Variants in GRAMD1A observed in about 807,000 individuals in gnomAD.
The protein encoded by GRAMD1A is protein Aster-A.
Under a neutral mutation model 92.0 loss-of-function variants are expected in GRAMD1A, and 50 were observed. That is an observed-to-expected ratio of 0.54 (90% CI 0.43 to 0.69). GRAMD1A has a LOEUF of 0.69. Among genes scored for constraint, GRAMD1A ranks in the 30% least tolerant of loss-of-function variants. The pLI, the probability that GRAMD1A is intolerant of heterozygous loss-of-function variation, is 0.00. For missense variants in GRAMD1A, 819 were observed against 978.9 expected (o/e 0.84, Z 2.18); for synonymous variants, 405 against 403.6 (o/e 1.00, Z -0.04).
At position 35,023,329 on chromosome 19, in the gene GRAMD1A, G is replaced by A. The variant is rs769640535; in HGVS notation, c.1947G>A (p.Leu649=). The change falls in exon 18 of 20, where the codon CTG becomes CTA. Residue 649 remains leucine, a synonymous_variant. Coordinates refer to ENST00000317991, the MANE Select transcript of GRAMD1A (RefSeq NM_020895.5). ...TAHTFESWHS[L]ALAKGKFPQT... ...ACACCTTTGAGTCCTGGCACAGCCT[G>A]GCCCTGGCCAAGGGGTGAGTGGGTA... is the stretch of plus-strand genomic sequence containing the variant. 5.0e-6 allele frequency: 8 copies of A among 1,613,976 alleles called. No homozygotes were observed. Among genetic ancestry groups the A allele is most frequent in the Non-Finnish European group, 6.8e-6 (8 of 1,179,932 alleles).
At chr19:35,016,874 C>T (rs2015671741) in intron 11 of GRAMD1A, among the ~76,000 whole-genome samples, 1 of 141,998 alleles carries the variant, frequency 7.0e-6, no homozygotes, top group Middle Eastern at 4.5e-3. Flanking sequence ...CGTTGCGCTC[C>T]AGCCTGGGCG....
intron 1 of GRAMD1A, among the ~76,000 whole-genome samples, chr19:35,003,061 G>GGTTGT (rs1555711845): frequency 7.0e-6 from 1 of 142,232 alleles, no homozygotes; most frequent in East Asian, 2.0e-4. Flanking sequence ...CAATGCTGCA[G>GGTTGT]GTGTGTGTGT....
chr19:35,011,670 G>T, intron 7 of GRAMD1A, 116 bp downstream of exon 7: 1 of 711,354 alleles, frequency 1.4e-6, no homozygotes, highest in Admixed American at 2.5e-5. Flanking sequence ...TGGGCACCAG[G>T]CCCAGTGCCC....
At chr19:34,995,597 T>C (rs997068451), upstream of GRAMD1A, among the ~76,000 whole-genome samples, 11 of 139,714 alleles carry the variant, frequency 7.9e-5, no homozygotes, top group Non-Finnish European at 1.4e-4. Flanking sequence ...TTTTTTTTTT[T>C]CTGAGACAGG....
At chr19:35,009,696 G>C in intron 3 of GRAMD1A, 192 bp from the exon 4 acceptor site, 1 of 635,060 alleles carries the variant, frequency 1.6e-6, no homozygotes, top group South Asian at 1.8e-5. Flanking sequence ...CAGTGATGCT[G>C]GTGGGTGCTT....
intron 1 of GRAMD1A, among the ~76,000 whole-genome samples, chr19:35,004,381 A>T (rs1434335532): frequency 6.6e-6 from 1 of 151,542 alleles, no homozygotes; most frequent in African/African-American, 2.4e-5. Context: ...CTCTGGCCCC[A>T]CCCCAGTTCT....
intron 1 of GRAMD1A, among the ~76,000 whole-genome samples, chr19:35,007,464 G>A (rs1041300756): frequency 9.9e-5 from 15 of 152,136 alleles, no homozygotes; most frequent in East Asian, 5.8e-4. Context: ...AGGCTGGGGC[G>A]GAAGAATCGC....
rs760464639 is a variant in GRAMD1A, at chr19:35,010,394, G to A, written c.525+15G>A. ...AGAGCGAGAAGGTGACGGAGGACCC[G>A]GTGACGGGACCACGCGGTCCCCCGC... is the stretch of plus-strand genomic sequence containing the variant. On this transcript the variant is annotated intron_variant, in intron 6 of 19. Coordinates refer to ENST00000317991, the MANE Select transcript of GRAMD1A (RefSeq NM_020895.5). The A allele has an allele frequency of 7.6e-6, 12 of 1,579,586 alleles. No homozygotes were observed. The highest frequency in any genetic ancestry group is 1.7e-5 in the Admixed American group (1 of 60,010).
chr19:35,007,771 G>A (rs574346666), intron 1 of GRAMD1A, among the ~76,000 whole-genome samples: 2 of 152,236 alleles, frequency 1.3e-5, no homozygotes, highest in East Asian at 3.9e-4. Context: ...TACCCGGGAG[G>A]CTGAGGCAGG....
At chr19:35,010,558 CTCTT>C in intron 6 of GRAMD1A, 179 bp downstream of exon 6, 1 of 606,860 alleles carries the variant, frequency 1.6e-6, no homozygotes, top group Admixed American at 2.9e-5. Context: ...AGCCTCTCCT[CTCTT>C]TCCCTGCAAC....
chr19:34,995,339 T>C (rs2013982790), upstream of GRAMD1A, among the ~76,000 whole-genome samples: 1 of 152,196 alleles, frequency 6.6e-6, no homozygotes, highest in South Asian at 2.1e-4. Context: ...GCTATGTGGT[T>C]CGGTAAACCT....
At chr19:34,995,992 A>C, upstream of GRAMD1A, 1 of 1,500,588 alleles carries the variant, frequency 6.7e-7, no homozygotes, top group Non-Finnish European at 8.9e-7. Context: ...TCTCTTTCCC[A>C]GAGACCACAC....
chr19:35,010,915 C>T (rs1374219234), intron 6 of GRAMD1A, among the ~76,000 whole-genome samples: 1 of 151,896 alleles, frequency 6.6e-6, no homozygotes, highest in Non-Finnish European at 1.5e-5. Context: ...GCCTGGGCAA[C>T]ATAGTGAGAC....
chr19:35,007,726 A>G (rs990400153), intron 1 of GRAMD1A, among the ~76,000 whole-genome samples: 2 of 151,964 alleles, frequency 1.3e-5, no homozygotes, highest in African/African-American at 4.8e-5. Context: ...AAAATAAAAA[A>G]GCTGATAACA....
upstream of GRAMD1A, among the ~76,000 whole-genome samples, chr19:34,995,570 G>GTTTTTTTTTTTTTTTTTTTTTTTTT (rs1173583059): frequency 7.4e-5 from 6 of 80,956 alleles, 2 homozygotes; most frequent in African/African-American, 4.8e-5. Flanking sequence ...TCAGATCACG[G>GTTTTTTTTTTTTTTTTTTTTTTTTT]GTTTTTTTTT....
chr19:35,006,595 A>G (rs1292539493), intron 1 of GRAMD1A, among the ~76,000 whole-genome samples: 1 of 152,198 alleles, frequency 6.6e-6, no homozygotes, highest in Non-Finnish European at 1.5e-5. Flanking sequence ...CTGTTTGTTC[A>G]GTGTCTGCCT....
intron 6 of GRAMD1A, 97 bp downstream of exon 6, chr19:35,010,476 C>G (rs752665798): frequency 9.0e-5 from 72 of 801,774 alleles, no homozygotes; most frequent in Non-Finnish European, 1.5e-4. Context: ...ACCCTGAGTT[C>G]TCTCCGAGCT....
Position 35,014,876 on chromosome 19 carries a change from A to G in GRAMD1A, c.1069+489A>G, listed in dbSNP as rs188985155. 1,501 of 161,816 alleles carry G rather than the reference A, an allele frequency of 9.3e-3. 10 individuals are homozygous for G. The highest frequency in any genetic ancestry group is 0.022 in the Middle Eastern group (7 of 312). The allele number at this position is 161,816 out of a possible 1,614,324, so 10.0% of individuals were successfully genotyped here. The stretch of plus-strand genomic sequence containing the variant: ...ACCCCGTTTTGTACAAAAAAGAAAA[A>G]AAAGAAAAAACTAGGTGTGGTGGTG... On this transcript the variant is annotated intron_variant, in intron 10 of 19. Coordinates refer to ENST00000317991, the MANE Select transcript of GRAMD1A (RefSeq NM_020895.5).
chr19:35,006,563 G>A (rs1296580495), intron 1 of GRAMD1A, among the ~76,000 whole-genome samples: 2 of 152,236 alleles, frequency 1.3e-5, no homozygotes, highest in East Asian at 3.8e-4. Context: ...GTTCGTGTTT[G>A]CACAGTGAAG....
Sources: gnomAD v4.1 joint callset for allele counts (sites outside exome capture counted in the v4.1 genomes callset) on GRCh38, gnomAD v4.1.1 for gene constraint, MANE v1.5 for transcripts, NCBI Gene and HGNC (gene_info 2026-07-23, HGNC 2026-07-21) for gene names.